The following TRPS1 variants were observed in gnomAD, a reference collection of about 807,000 sequenced individuals.
TRPS1 encodes the protein zinc finger transcription factor Trps1.
A neutral mutation model predicts 101.2 loss-of-function variants in TRPS1; 6 were observed. That is an observed-to-expected ratio of 0.06 (90% CI 0.03 to 0.12). TRPS1 has a LOEUF of 0.12. Ranked by LOEUF, TRPS1 falls within the 10% of genes least tolerant of loss-of-function variation. TRPS1 has a pLI of 1.00. For synonymous variants in TRPS1, 578 were observed against 589.8 expected (o/e 0.98, Z 0.29); for missense variants, 1,363 against 1,567.0 (o/e 0.87, Z 2.20).
chr8:115,466,765 A>G (rs555868668), intron 5 of TRPS1, among the ~76,000 whole-genome samples: 1 of 152,272 alleles, frequency 6.6e-6, no homozygotes, highest in Admixed American at 6.5e-5. Context: ...CTGCAGTGGA[A>G]CACCTTTGCA....
intron 5 of TRPS1, among the ~76,000 whole-genome samples, chr8:115,442,752 A>AGGAGTTTGAGACCAGCCTGACCAACAT (rs1162092694): frequency 1.3e-5 from 2 of 151,674 alleles, no homozygotes; most frequent in African/African-American, 4.8e-5. Flanking sequence ...ATTTGAAGTC[A>AGGAGTTTGAGACCAGCCTGACCAACAT]GGAGTTTGAG....
chr8:115,613,548 T>G (rs1818216285), intron 3 of TRPS1, among the ~76,000 whole-genome samples: 1 of 152,250 alleles, frequency 6.6e-6, no homozygotes, highest in Non-Finnish European at 1.5e-5. Flanking sequence ...AGTGTGGTTG[T>G]GAAGACAGGC....
intron 1 of TRPS1, among the ~76,000 whole-genome samples, chr8:115,652,015 G>A (rs1269298399): frequency 6.6e-6 from 1 of 152,190 alleles, no homozygotes; most frequent in African/African-American, 2.4e-5. Flanking sequence ...AGGTCTAGAG[G>A]TGAAGGCTCA....
chr8:115,619,144 G>A lies in TRPS1; in HGVS notation c.954C>T (p.Thr318=). 6.2e-7 allele frequency: 1 copy of A among 1,614,034 alleles called. No individual in the cohort carries two copies. Residue 318 remains threonine, a synonymous_variant, in exon 3 of 7, where the codon ACC becomes ACT. Transcript: ENST00000395715. ...ACAAAGTACAAACCTGCACATCATAGGTCCCATTTAGTAAAACAGGCCTTG... is the reference window on the plus strand; with the variant it reads ...ACAAAGTACAAACCTGCACATCATAAGTCCCATTTAGTAAAACAGGCCTTG... ...NSSRPVLLNG[T]YDVQVTSGGT...
intron 1 of TRPS1, among the ~76,000 whole-genome samples, chr8:115,641,772 C>T (rs1014278490): frequency 2.0e-5 from 3 of 152,020 alleles, no homozygotes; most frequent in Non-Finnish European, 4.4e-5. Context: ...CTCAGCTACT[C>T]GGGAGGCTAA....
At chr8:115,521,179 T>C (rs933875375) in intron 5 of TRPS1, among the ~76,000 whole-genome samples, 1 of 151,846 alleles carries the variant, frequency 6.6e-6, no homozygotes, top group South Asian at 2.1e-4. Context: ...CCTAGCCTAC[T>C]TGTTTGGTTC....
chr8:115,552,373 C>T (rs1292033875), intron 5 of TRPS1, among the ~76,000 whole-genome samples: 1 of 152,060 alleles, frequency 6.6e-6, no homozygotes, highest in Non-Finnish European at 1.5e-5. Flanking sequence ...AGTCATTTCA[C>T]CTCTTTAAAA....
intron 5 of TRPS1, among the ~76,000 whole-genome samples, chr8:115,583,672 A>G (rs1023708381): frequency 6.6e-5 from 10 of 152,048 alleles, no homozygotes; most frequent in African/African-American, 2.4e-4. Context: ...TGCAAAAAAA[A>G]GCCTAGTTTT....
intron 4 of TRPS1, among the ~76,000 whole-genome samples, chr8:115,602,411 C>A (rs1313491432): frequency 2.0e-5 from 3 of 152,180 alleles, no homozygotes; most frequent in African/African-American, 7.2e-5. Flanking sequence ...AATTAACATG[C>A]AGCTAACATC....
At chr8:115,429,744 C>G (rs139429303) in intron 5 of TRPS1, among the ~76,000 whole-genome samples, 1 of 152,242 alleles carries the variant, frequency 6.6e-6, no homozygotes, top group African/African-American at 2.4e-5. Flanking sequence ...AACTTTTCAA[C>G]AACTTTATTT....
chr8:115,470,767 T>C (rs899295960), intron 5 of TRPS1, among the ~76,000 whole-genome samples: 1 of 152,174 alleles, frequency 6.6e-6, no homozygotes, highest in African/African-American at 2.4e-5. Context: ...ATATCAATGA[T>C]TCATATTCTC....
intron 5 of TRPS1, among the ~76,000 whole-genome samples, chr8:115,456,481 A>C (rs1331624426): frequency 1.3e-5 from 2 of 152,194 alleles, no homozygotes; most frequent in African/African-American, 4.8e-5. Flanking sequence ...TATATCTTCT[A>C]TATATAATAT....
At chr8:115,528,321 T>C (rs1381757230) in intron 5 of TRPS1, among the ~76,000 whole-genome samples, 1 of 152,052 alleles carries the variant, frequency 6.6e-6, no homozygotes, top group African/African-American at 2.4e-5. Context: ...TAATATATAC[T>C]GAGCACTTAA....
chr8:115,416,816 T>C (rs1258984492), intron 6 of TRPS1, among the ~76,000 whole-genome samples: 1 of 152,074 alleles, frequency 6.6e-6, no homozygotes, highest in East Asian at 1.9e-4. Context: ...AGTTATGCCA[T>C]GTGCATTTCT....
intron 5 of TRPS1, among the ~76,000 whole-genome samples, chr8:115,550,729 G>T (rs1816684456): frequency 6.6e-6 from 1 of 152,080 alleles, no homozygotes; most frequent in Non-Finnish European, 1.5e-5. Context: ...TAAAGCCCTT[G>T]GTATTCTTGG....
intron 5 of TRPS1, among the ~76,000 whole-genome samples, chr8:115,496,954 C>T (rs532397445): frequency 1.3e-5 from 2 of 152,198 alleles, no homozygotes; most frequent in South Asian, 4.1e-4. Flanking sequence ...TAAAAATTAC[C>T]AAATTTAAAA....
chr8:115,647,139 C>T (rs908933745), intron 1 of TRPS1, among the ~76,000 whole-genome samples: 1 of 152,072 alleles, frequency 6.6e-6, no homozygotes, highest in African/African-American at 2.4e-5. Flanking sequence ...CTGGAAATCT[C>T]AAGGCAAAAT....
intron 3 of TRPS1, 73 bp from the exon 4 acceptor site, chr8:115,605,075 A>T: frequency 1.1e-5 from 15 of 1,372,772 alleles, no homozygotes; most frequent in African/African-American, 1.4e-5. Flanking sequence ...GGGGAGGGGG[A>T]GGGTACTGCC....
At chr8:115,583,986 CCTCA>C (rs1319742973) in intron 5 of TRPS1, among the ~76,000 whole-genome samples, 3 of 151,924 alleles carry the variant, frequency 2.0e-5, no homozygotes, top group Non-Finnish European at 4.4e-5. Context: ...ATATTTCCTT[CCTCA>C]CTTTGAGAAG....
Sources: gnomAD v4.1 joint callset for allele counts (sites outside exome capture counted in the v4.1 genomes callset) on GRCh38, gnomAD v4.1.1 for gene constraint, MANE v1.5 for transcripts, NCBI Gene and HGNC (gene_info 2026-07-23, HGNC 2026-07-21) for gene names.